Variants in KCNIP4 observed in about 807,000 individuals in gnomAD.
KCNIP4 encodes the protein potassium voltage-gated channel interacting protein 4.
KCNIP4 carries 12 observed loss-of-function variants against 34.0 expected under a neutral mutation model. The observed-to-expected ratio is 0.35, with a 90% CI of 0.23 to 0.57. KCNIP4 has a LOEUF of 0.57. Ranked by LOEUF, KCNIP4 falls within the 20% of genes least tolerant of loss-of-function variation. KCNIP4 has a pLI of 0.83. For synonymous variants in KCNIP4, 124 were observed against 102.2 expected (o/e 1.21, Z -1.29); for missense variants, 238 against 311.7 (o/e 0.76, Z 1.78).
intron 1 of KCNIP4, among the ~76,000 whole-genome samples, chr4:21,300,399 T>C (rs1361260628): frequency 6.6e-6 from 1 of 152,170 alleles, no homozygotes; most frequent in Admixed American, 6.6e-5. Flanking sequence ...TTTAAAACAC[T>C]GGCCACAGGT....
At chr4:21,902,306 A>T (rs1249392881) in intron 1 of KCNIP4, among the ~76,000 whole-genome samples, 1 of 152,196 alleles carries the variant, frequency 6.6e-6, no homozygotes, top group East Asian at 1.9e-4. Context: ...AGTTATAAAC[A>T]TAAAGTTATC....
rs1720527679 is a variant in KCNIP4, at chr4:21,372,355, T to TAGAC, written c.62-489647_62-489646insGTCT. Among the ~76,000 whole-genome samples, 2 of 141,218 alleles carry TAGAC rather than the reference T, an allele frequency of 1.4e-5. 1 individual carries two copies. Among genetic ancestry groups the TAGAC allele is most frequent in the South Asian group, 4.4e-4 (2 of 4,596 alleles). The allele number at this position is 141,218 out of a possible 152,430, so 92.6% of individuals were successfully genotyped here. A position where few individuals can be genotyped will look rare whatever the true frequency, so the allele number is the denominator to read the frequency against. Reference sequence around the variant, plus strand: ...TTTTCAAGTTTTCCAGTTTGGTGAATAGATAGATAGATAGATAGATAGATA... The same window carrying TAGAC: ...TTTTCAAGTTTTCCAGTTTGGTGAATAGACAGATAGATAGATAGATAGATAGATA... On this transcript the variant is annotated intron_variant, in intron 1 of 8. Coordinates refer to ENST00000382152, the MANE Select transcript of KCNIP4 (RefSeq NM_025221.6).
intron 3 of KCNIP4, 94 bp downstream of exon 3, chr4:20,850,449 T>C: frequency 7.8e-7 from 1 of 1,275,660 alleles, no homozygotes; most frequent in Non-Finnish European, 1.1e-6. Context: ...ATGATGGGGC[T>C]CTCATAGAAT....
At chr4:21,877,796 T>G (rs1164433248) in intron 1 of KCNIP4, among the ~76,000 whole-genome samples, 2 of 152,158 alleles carry the variant, frequency 1.3e-5, no homozygotes, top group African/African-American at 4.8e-5. Context: ...ACCCTTCTCC[T>G]TTTACAAGAA....
intron 1 of KCNIP4, among the ~76,000 whole-genome samples, chr4:21,446,477 G>A (rs911105538): frequency 1.3e-5 from 2 of 151,972 alleles, no homozygotes; most frequent in Non-Finnish European, 2.9e-5. Context: ...CCTTTGTAGG[G>A]ACATGGATGA....
intron 1 of KCNIP4, among the ~76,000 whole-genome samples, chr4:20,887,298 A>G (rs115601972): frequency 0.031 from 4,692 of 151,890 alleles, 86 homozygotes; most frequent in Non-Finnish European, 0.043. Flanking sequence ...AAAGAACATA[A>G]TGAGAGGTGA....
chr4:20,961,460 C>T (rs1338086460), intron 1 of KCNIP4, among the ~76,000 whole-genome samples: 1 of 151,864 alleles, frequency 6.6e-6, no homozygotes, highest in Non-Finnish European at 1.5e-5. Flanking sequence ...GAAAAAGCCC[C>T]AAAACTCAGC....
intron 1 of KCNIP4, among the ~76,000 whole-genome samples, chr4:21,669,755 A>G (rs1475440901): frequency 6.6e-6 from 1 of 152,212 alleles, no homozygotes; most frequent in Non-Finnish European, 1.5e-5. Context: ...TCCATTACCA[A>G]TTACCATAAT....
At chr4:21,718,643 T>C (rs1363136783) in intron 1 of KCNIP4, 4 of 150,392 alleles carry the variant, frequency 2.7e-5, no homozygotes, top group South Asian at 4.2e-4. Flanking sequence ...TAAAGTTTTA[T>C]GAAAATAATT....
chr4:21,913,364 CT>C (rs56409249), intron 1 of KCNIP4, among the ~76,000 whole-genome samples: 39,204 of 144,934 alleles, frequency 0.27, 5,796 homozygotes, highest in East Asian at 0.6. Context: ...TTTCTTTTTC[CT>C]TTTTTTTTTT....
intron 1 of KCNIP4, among the ~76,000 whole-genome samples, chr4:21,510,123 T>C (rs902966172): frequency 2.0e-5 from 3 of 150,236 alleles, no homozygotes; most frequent in Non-Finnish European, 3.0e-5. Flanking sequence ...TCTCATATCA[T>C]GTAAAATTGC....
intron 2 of KCNIP4, 29 bp downstream of exon 2, chr4:20,882,579 G>GAAA: frequency 5.8e-6 from 7 of 1,201,026 alleles, no homozygotes; most frequent in South Asian, 1.4e-5. Flanking sequence ...AGTTTCGGAG[G>GAAA]AAAAAAAAAA....
intron 1 of KCNIP4, among the ~76,000 whole-genome samples, chr4:21,550,753 G>A (rs1738513558): frequency 6.6e-6 from 1 of 152,026 alleles, no homozygotes; most frequent in Non-Finnish European, 1.5e-5. Flanking sequence ...TATTTCCTGT[G>A]TTTATTGATT....
At chr4:21,834,526 T>C (rs1418273709) in intron 1 of KCNIP4, among the ~76,000 whole-genome samples, 1 of 152,208 alleles carries the variant, frequency 6.6e-6, no homozygotes, top group African/African-American at 2.4e-5. Context: ...TATACAATCA[T>C]GTCGTCTGCA....
intron 1 of KCNIP4, among the ~76,000 whole-genome samples, chr4:21,307,531 A>G (rs1712619905): frequency 6.6e-6 from 1 of 152,204 alleles, no homozygotes; most frequent in Admixed American, 6.5e-5. Context: ...GCTACAATAT[A>G]AACTCCTACC....
At chr4:20,984,767 G>A (rs1025788517) in intron 1 of KCNIP4, among the ~76,000 whole-genome samples, 1 of 152,124 alleles carries the variant, frequency 6.6e-6, no homozygotes, top group Non-Finnish European at 1.5e-5. Flanking sequence ...GTTCATAACT[G>A]CCCCCTGGAA....
At chr4:21,630,740 T>C (rs529719874) in intron 1 of KCNIP4, among the ~76,000 whole-genome samples, 21 of 152,276 alleles carry the variant, frequency 1.4e-4, no homozygotes, top group African/African-American at 5.1e-4. Flanking sequence ...AATCCTTCAA[T>C]GATGCCCTCT....
intron 1 of KCNIP4, among the ~76,000 whole-genome samples, chr4:21,681,054 C>T (rs1291790851): frequency 6.6e-6 from 1 of 152,098 alleles, no homozygotes; most frequent in Non-Finnish European, 1.5e-5. Context: ...TAGATGGCAT[C>T]TTCTTCCAAT....
intron 1 of KCNIP4, among the ~76,000 whole-genome samples, chr4:21,663,580 A>T (rs1368689344): frequency 2.0e-5 from 3 of 152,120 alleles, no homozygotes; most frequent in Non-Finnish European, 2.9e-5. Context: ...TTGCTCACTG[A>T]CCCACACAGG....
Sources: gnomAD v4.1 joint callset for allele counts (sites outside exome capture counted in the v4.1 genomes callset) on GRCh38, gnomAD v4.1.1 for gene constraint, MANE v1.5 for transcripts, NCBI Gene and HGNC (gene_info 2026-07-23, HGNC 2026-07-21) for gene names.